Variants in PXK observed in about 807,000 individuals in gnomAD.
PXK encodes the protein PX domain containing serine/threonine kinase like.
A neutral mutation model predicts 84.7 loss-of-function variants in PXK; 35 were observed. The observed-to-expected ratio is 0.41, with a 90% CI of 0.32 to 0.55. The LOEUF (loss-of-function observed/expected upper bound fraction) is 0.55. PXK is among the 20% of genes least tolerant of loss of function. The pLI, the probability that PXK is intolerant of heterozygous loss-of-function variation, is 0.21. For synonymous variants in PXK, 253 were observed against 260.8 expected (o/e 0.97, Z 0.29); for missense variants, 634 against 699.7 (o/e 0.91, Z 1.06).
intron 1 of PXK, among the ~76,000 whole-genome samples, chr3:58,355,756 G>A (rs2098063379): frequency 6.6e-6 from 1 of 152,242 alleles, no homozygotes. Flanking sequence ...GTAAGAGTCA[G>A]TGGGTCTACA....
chr3:58,367,548 C>A (rs2098293516), intron 2 of PXK, among the ~76,000 whole-genome samples: 1 of 152,052 alleles, frequency 6.6e-6, no homozygotes, highest in African/African-American at 2.4e-5. Context: ...CCTGACCAAT[C>A]AAAGTTTTAT....
intron 4 of PXK, among the ~76,000 whole-genome samples, chr3:58,388,260 A>G (rs1409408785): frequency 2.0e-5 from 3 of 152,228 alleles, no homozygotes; most frequent in Non-Finnish European, 4.4e-5. Context: ...TGAGAAATCC[A>G]GTATGTTCCA....
chr3:58,423,598 A>T, intron 17 of PXK: 1 of 1,515,524 alleles, frequency 6.6e-7, no homozygotes, highest in Non-Finnish European at 8.8e-7. Flanking sequence ...CCAGTCGTCC[A>T]TACAAACTTA....
chr3:58,333,006 G>T lies in PXK; in HGVS notation c.18G>T (p.Lys6Asn). Residue 6 changes from lysine (K) to asparagine (N), a missense_variant, in exon 1 of 18, where the codon AAG becomes AAT. Around this residue, in one of 3 missense-constraint regions of PXK, gnomAD observed 353 missense variants for 385.2 expected, o/e 0.92. Transcript: ENST00000356151. The surrounding 1 kb of genome is among the most constrained non-coding windows in gnomAD (Gnocchi z 5.4). ...GTCCCGGGATGGCCTTCATGGAGAAGCCGCCAGCCGGCAAGGTGCTGCTGG... is the reference window on the plus strand; with the variant it reads ...GTCCCGGGATGGCCTTCATGGAGAATCCGCCAGCCGGCAAGGTGCTGCTGG... Reference protein sequence around the residue: MAFMEKPPAGKVLLDD... With the variant: MAFMENPPAGKVLLDD... 1.5e-6 allele frequency: 2 copies of T among 1,368,570 alleles called. No individual in the cohort carries two copies. Among genetic ancestry groups the T allele is most frequent in the East Asian group, 3.5e-5 (1 of 28,298 alleles). 84.8% of individuals were successfully genotyped at this position (1,368,570 alleles called of 1,614,324 possible).
chr3:58,382,442 T>C (rs2098511943), intron 3 of PXK, 72 bp from the exon 4 acceptor site: 1 of 1,276,908 alleles, frequency 7.8e-7, no homozygotes, highest in East Asian at 2.6e-5. Context: ...TGAAATATGA[T>C]AGGTCAAGAT....
At chr3:58,378,980 T>C (rs1347952036) in intron 3 of PXK, among the ~76,000 whole-genome samples, 1 of 151,792 alleles carries the variant, frequency 6.6e-6, no homozygotes, top group East Asian at 1.9e-4. Context: ...TGGAGGGCAG[T>C]GGTGCAATCT....
intron 17 of PXK, chr3:58,422,671 C>T: frequency 4.1e-6 from 4 of 985,392 alleles, no homozygotes; most frequent in Non-Finnish European, 3.6e-6. Flanking sequence ...GTAATGACGC[C>T]AAAACCAAGG....
chr3:58,409,501 G>A lies in PXK; in HGVS notation c.1309-31G>A. Reference sequence around the variant, plus strand: ...TTTCATTAGGAAGCTGCCTTATGTGGGATATGCTTACATCTTATGGTCTTT... The same window carrying A: ...TTTCATTAGGAAGCTGCCTTATGTGAGATATGCTTACATCTTATGGTCTTT... On this transcript the variant is annotated intron_variant, in intron 14 of 17. Transcript: ENST00000356151. This position sits in a 1 kb window ranked among gnomAD's most constrained non-coding sequence, Gnocchi z 4.2. 6.3e-7 allele frequency: 1 copy of A among 1,582,010 alleles called. No individual in the cohort carries two copies. Among genetic ancestry groups the A allele is most frequent in the South Asian group, 1.1e-5 (1 of 89,430 alleles).
chr3:58,334,014 G>A (rs76098340), intron 1 of PXK, among the ~76,000 whole-genome samples: 15,963 of 152,042 alleles, frequency 0.1, 1,144 homozygotes, highest in African/African-American at 0.19. Flanking sequence ...TCCTTCAATT[G>A]TGATGTTTTG....
chr3:58,418,475 C>T (rs1241175057), intron 17 of PXK, among the ~76,000 whole-genome samples: 3 of 152,164 alleles, frequency 2.0e-5, no homozygotes, highest in Non-Finnish European at 4.4e-5. Flanking sequence ...TCAGGGTGCG[C>T]TGCAGGGCCC....
chr3:58,396,999 G>T lies in PXK; in HGVS notation c.823-40G>T, dbSNP rs145933370. On this transcript the variant is annotated intron_variant, in intron 9 of 17. Transcript: ENST00000356151. ...AGTTTAACTTGTCTTATATCTGAATGAGTTTGGGGAAAATGTAACTTTCCC... is the reference window on the plus strand; with the variant it reads ...AGTTTAACTTGTCTTATATCTGAATTAGTTTGGGGAAAATGTAACTTTCCC... 3.2e-6 allele frequency: 5 copies of T among 1,574,828 alleles called. No homozygotes were observed. In the South Asian group the frequency reaches 4.6e-5, roughly 14 times the overall value.
At chr3:58,372,759 T>G (rs995757072) in intron 3 of PXK, among the ~76,000 whole-genome samples, 5 of 151,834 alleles carry the variant, frequency 3.3e-5, no homozygotes, top group African/African-American at 1.2e-4. Context: ...CCCGAGTAGC[T>G]GAGATTACAG....
intron 1 of PXK, among the ~76,000 whole-genome samples, chr3:58,336,038 C>CATATATATATATAT (rs1168755178): frequency 1.9e-3 from 83 of 43,086 alleles, no homozygotes; most frequent in East Asian, 4.7e-3. Flanking sequence ...CCTTGGGAAA[C>CATATATATATATAT]ATATATATAT....
rs2107194533 is a variant in PXK at position 58,398,169 on chromosome 3, G to A, written c.1102+447G>A. 6.6e-6 allele frequency among the ~76,000 whole-genome samples: 1 copy of A among 152,320 alleles called. No homozygotes were observed. Among genetic ancestry groups the A allele is most frequent in the South Asian group, 2.1e-4 (1 of 4,826 alleles). ...TAATCCCAGCACTTTGGAAGGCCGA[G>A]GTGGGTGGATCACATGAGGTCAGGA... On this transcript the variant is annotated intron_variant, in intron 11 of 17. Coordinates refer to ENST00000356151, the MANE Select transcript of PXK (RefSeq NM_017771.5). The surrounding 1 kb of genome is among the most constrained non-coding windows in gnomAD (Gnocchi z 4.5).
Position 58,411,868 on chromosome 3 carries a change from T to G in PXK, c.1466-1033T>G, listed in dbSNP as rs2060253868. Among the ~76,000 whole-genome samples the G allele has an allele frequency of 6.6e-6, 1 of 152,098 alleles. No individual in the cohort carries two copies. The highest frequency in any genetic ancestry group is 1.5e-5 in the Non-Finnish European group (1 of 68,028). On this transcript the variant is annotated intron_variant, in intron 16 of 17. Coordinates refer to ENST00000356151, the MANE Select transcript of PXK (RefSeq NM_017771.5). The surrounding 1 kb of genome is among the most constrained non-coding windows in gnomAD (Gnocchi z 4.2). ...CTCCTTTTTCAGTAAAACACCCTCA[T>G]ATTTTATAGGGAACTGAGGGAATAT...
intron 1 of PXK, among the ~76,000 whole-genome samples, chr3:58,352,225 G>C (rs376520784): frequency 6.6e-6 from 1 of 152,168 alleles, no homozygotes; most frequent in African/African-American, 2.4e-5. Flanking sequence ...CTCCCAGGGG[G>C]CCTGTCTTTG....
At chr3:58,342,652 G>T (rs200792362) in intron 1 of PXK, among the ~76,000 whole-genome samples, 6 of 113,142 alleles carry the variant, frequency 5.3e-5, no homozygotes, top group Non-Finnish European at 9.5e-5. Flanking sequence ...AAAAAAAAAA[G>T]AAAAGAAAAA....
At chr3:58,363,058 A>AG (rs1261114632) in intron 1 of PXK, among the ~76,000 whole-genome samples, 1 of 152,064 alleles carries the variant, frequency 6.6e-6, no homozygotes, top group Non-Finnish European at 1.5e-5. Context: ...TGGAAAAAAA[A>AG]CTTTTAATAG....
intron 17 of PXK, chr3:58,413,611 A>G (rs1174623661): frequency 6.6e-6 from 1 of 151,928 alleles, no homozygotes; most frequent in Non-Finnish European, 1.5e-5. Flanking sequence ...CCATAATACT[A>G]TCTTTTATTT....
Sources: gnomAD v4.1 joint callset for allele counts (sites outside exome capture counted in the v4.1 genomes callset) on GRCh38, gnomAD v4.1.1 for gene constraint, gnomAD v4.1.1 regional missense constraint, Gnocchi (gnomAD v3.1) non-coding constraint, MANE v1.5 for transcripts, NCBI Gene and HGNC (gene_info 2026-07-23, HGNC 2026-07-21) for gene names.